Variants in ADAMTS6 observed in about 807,000 individuals in gnomAD.
The protein encoded by ADAMTS6 is ADAM metallopeptidase with thrombospondin type 1 motif 6, also known as A disintegrin and metalloproteinase with thrombospondin motifs 6.
Under a neutral mutation model 144.3 loss-of-function variants are expected in ADAMTS6, and 23 were observed. The ratio of observed to expected loss-of-function variants is 0.16; its 90% CI spans 0.11 to 0.23. The LOEUF (loss-of-function observed/expected upper bound fraction) is 0.23. Among genes scored for constraint, ADAMTS6 ranks in the 10% least tolerant of loss-of-function variants. The probability of loss-of-function intolerance (pLI) is 1.00; values close to 1 mark genes in which losing one functional copy is unlikely to be tolerated. For synonymous variants in ADAMTS6, 444 were observed against 457.5 expected, an observed-to-expected ratio of 0.97 and a Z score of 0.38; for missense variants, 999 against 1,379.6, an observed-to-expected ratio of 0.72 and a Z score of 4.37.
intron 24 of ADAMTS6, among the ~76,000 whole-genome samples, chr5:65,158,912 T>C (rs938573595): frequency 2.0e-5 from 3 of 152,192 alleles, no homozygotes; most frequent in Admixed American, 6.5e-5. Context: ...CCTCCATTTC[T>C]TCAATCTCTC....
chr5:65,317,034 C>G (rs1344475145), intron 9 of ADAMTS6, among the ~76,000 whole-genome samples: 1 of 152,154 alleles, frequency 6.6e-6, no homozygotes, highest in African/African-American at 2.4e-5. Flanking sequence ...AACTCCTGAC[C>G]TCAAGTAATC....
intron 7 of ADAMTS6, among the ~76,000 whole-genome samples, chr5:65,399,265 T>G (rs1753716572): frequency 6.6e-6 from 1 of 152,186 alleles, no homozygotes; most frequent in Non-Finnish European, 1.5e-5. Flanking sequence ...CAAGAAAAAG[T>G]GGACTTCTTG....
At chr5:65,322,466 G>C (rs1745708475) in intron 9 of ADAMTS6, among the ~76,000 whole-genome samples, 1 of 151,918 alleles carries the variant, frequency 6.6e-6, no homozygotes, top group Admixed American at 6.6e-5. Context: ...CATGCAGCAT[G>C]GTCATTTTCT....
chr5:65,460,193 T>A lies in ADAMTS6; in HGVS notation c.608A>T (p.Asp203Val). 3.7e-6 allele frequency: 6 copies of A among 1,614,066 alleles called. No individual in the cohort carries two copies. The highest frequency in any genetic ancestry group is 5.1e-6 in the Non-Finnish European group (6 of 1,179,952). The change falls in exon 4 of 25, where the codon GAT becomes GTT. Residue 203 changes from aspartate (D) to valine (V), a missense_variant. This residue lies in a region of ADAMTS6 where 252 missense variants were observed against 293.7 expected (regional missense o/e 0.86). Coordinates refer to ENST00000381055, the MANE Select transcript of ADAMTS6 (RefSeq NM_197941.4). ...ACCCGAAACCCCACAATGAGAGTGA[T>A]CATACAGATGTCGTTGTTGAAGGGC... ...KSALQQRHLY[D>V]HSHCGVSDFT...
chr5:65,197,611 G>C (rs1755470938), intron 20 of ADAMTS6, among the ~76,000 whole-genome samples: 13 of 152,120 alleles, frequency 8.5e-5, no homozygotes, highest in Admixed American at 7.9e-4. Flanking sequence ...CATCTATTTA[G>C]TTTTTGTTAG....
In ADAMTS6 at chr5:65,197,159, A is replaced by G. The variant is rs768862509; in HGVS notation, c.2576-8T>C. On this transcript the variant is annotated splice_polypyrimidine_tract_variant and splice_region_variant and intron_variant, in intron 20 of 24. Coordinates refer to ENST00000381055, the MANE Select transcript of ADAMTS6 (RefSeq NM_197941.4). ...CCTCCTGTCTTTGGACACCTTGAGA[A>G]AAGGAGGACATCATTAATTGAAGAG... 5 of 1,612,680 alleles carry G rather than the reference A, an allele frequency of 3.1e-6. No individual in the cohort carries two copies. The highest frequency in any genetic ancestry group is 4.2e-6 in the Non-Finnish European group (5 of 1,179,430).
intron 7 of ADAMTS6, among the ~76,000 whole-genome samples, chr5:65,337,654 A>AT (rs1450701592): frequency 6.6e-6 from 1 of 152,082 alleles, no homozygotes; most frequent in Non-Finnish European, 1.5e-5. Flanking sequence ...TTTAAATATC[A>AT]TTTTTAAATT....
intron 20 of ADAMTS6, 45 bp from the exon 21 acceptor site, chr5:65,197,196 C>T: frequency 6.2e-7 from 1 of 1,603,946 alleles, no homozygotes; most frequent in Non-Finnish European, 8.5e-7. Flanking sequence ...AGTTTACCTT[C>T]CATTAAGTTA....
At chr5:65,405,157 C>G (rs1390320597) in intron 7 of ADAMTS6, among the ~76,000 whole-genome samples, 3 of 152,114 alleles carry the variant, frequency 2.0e-5, no homozygotes, top group Non-Finnish European at 4.4e-5. Flanking sequence ...TAATTAGATC[C>G]CAATTGTCAA....
chr5:65,363,150 T>C (rs914827843), intron 7 of ADAMTS6, among the ~76,000 whole-genome samples: 6 of 152,184 alleles, frequency 3.9e-5, no homozygotes, highest in Non-Finnish European at 5.9e-5. Context: ...TCTGAGTACA[T>C]ACTAATCCAT....
intron 7 of ADAMTS6, among the ~76,000 whole-genome samples, chr5:65,414,799 T>A (rs1212128709): frequency 1.3e-5 from 2 of 152,208 alleles, no homozygotes; most frequent in African/African-American, 4.8e-5. Flanking sequence ...AAGCACTCTT[T>A]GTCTCCATCT....
At chr5:65,402,038 T>C (rs1753959470) in intron 7 of ADAMTS6, among the ~76,000 whole-genome samples, 1 of 152,154 alleles carries the variant, frequency 6.6e-6, no homozygotes, top group South Asian at 2.1e-4. Flanking sequence ...TCCTTCTGCC[T>C]TAGCTATCTA....
At chr5:65,264,341 AC>A (rs1315976303) in intron 12 of ADAMTS6, among the ~76,000 whole-genome samples, 3 of 152,024 alleles carry the variant, frequency 2.0e-5, no homozygotes, top group Non-Finnish European at 4.4e-5. Flanking sequence ...TTGGATTTCC[AC>A]CTTCATACAC....
chr5:65,314,358 A>T (rs933963564), intron 9 of ADAMTS6, among the ~76,000 whole-genome samples: 1 of 151,980 alleles, frequency 6.6e-6, no homozygotes, highest in African/African-American at 2.4e-5. Context: ...ACACATCCAC[A>T]CCCACACCCC....
chr5:65,232,572 A>T (rs1394149896), intron 15 of ADAMTS6, among the ~76,000 whole-genome samples: 1 of 152,054 alleles, frequency 6.6e-6, no homozygotes, highest in East Asian at 1.9e-4. Flanking sequence ...ATGAACACTT[A>T]TATGTCAACA....
At chr5:65,375,538 A>T (rs1029963205) in intron 7 of ADAMTS6, among the ~76,000 whole-genome samples, 11 of 152,124 alleles carry the variant, frequency 7.2e-5, no homozygotes, top group African/African-American at 2.7e-4. Flanking sequence ...CATCAGAGAA[A>T]TACAAATCAA....
In ADAMTS6 at chr5:65,214,976, G is replaced by A. The variant is rs928481113; in HGVS notation, c.2437-44C>T. On this transcript the variant is annotated intron_variant, in intron 19 of 24. Coordinates refer to ENST00000381055, the MANE Select transcript of ADAMTS6 (RefSeq NM_197941.4). This position sits in a 1 kb window ranked among gnomAD's most constrained non-coding sequence, Gnocchi z 4.6. ...GGTGAAGACAATTAAAATACAATGA[G>A]CCTTCATTCAGATATTTATTATTCC... The A allele has an allele frequency of 6.4e-7, 1 of 1,573,674 alleles. No individual in the cohort carries two copies. Among genetic ancestry groups the A allele is most frequent in the Non-Finnish European group, 8.6e-7 (1 of 1,161,552 alleles).
chr5:65,372,432 A>G (rs1751052141), intron 7 of ADAMTS6, among the ~76,000 whole-genome samples: 1 of 151,714 alleles, frequency 6.6e-6, no homozygotes, highest in African/African-American at 2.4e-5. Context: ...CAAATGGAAA[A>G]CAAAAAAAGG....
chr5:65,385,809 T>C (rs1343428734), intron 7 of ADAMTS6, among the ~76,000 whole-genome samples: 1 of 152,116 alleles, frequency 6.6e-6, no homozygotes, highest in Non-Finnish European at 1.5e-5. Flanking sequence ...GAAGCAATTG[T>C]AGGAATTTAA....
Sources: allele counts gnomAD v4.1 joint callset (sites outside exome capture counted in the v4.1 genomes callset), GRCh38; gene constraint gnomAD v4.1.1; regional missense constraint gnomAD v4.1.1; non-coding constraint Gnocchi (gnomAD v3.1); transcripts MANE v1.5; gene names NCBI Gene and HGNC (gene_info 2026-07-23, HGNC 2026-07-21).